The following SMIM5 variants were observed in gnomAD, a reference collection of about 807,000 sequenced individuals.
SMIM5 encodes the protein chromosome 17 open reading frame 109.
In SMIM5, 4 loss-of-function variants were observed where a neutral mutation model predicts 4.0. The observed-to-expected ratio is 1.01, with a 90% CI of 0.50 to 2.30. SMIM5 has a LOEUF of 2.30. Among genes scored for constraint, SMIM5 ranks in the 30% most tolerant of loss-of-function variants. The pLI, the probability that SMIM5 is intolerant of heterozygous loss-of-function variation, is 0.02. For missense variants in SMIM5, 107 were observed against 99.2 expected (o/e 1.08, Z -0.34); for synonymous variants, 46 against 43.6 (o/e 1.05, Z -0.22).
intron 1 of SMIM5, chr17:75,635,850 G>A (rs2059311433): frequency 4.1e-6 from 4 of 985,344 alleles, no homozygotes; most frequent in East Asian, 1.1e-4. Flanking sequence ...GCCCTTCCTC[G>A]TGAGGCGCCT....
chr17:75,634,071 C>T lies in SMIM5; in HGVS notation c.-168C>T, dbSNP rs925635638. ...CAAAAAAGCCAGGCAGAGACAGCAG[C>T]TGGCTGTCAGCAGAGGAGCTGGGCT... On this transcript the variant is annotated 5_prime_UTR_variant, in exon 1 of 3. Transcript: ENST00000375215. 11 of 985,524 alleles carry T rather than the reference C, an allele frequency of 1.1e-5. No individual in the cohort carries two copies. The Admixed American group carries it at 4.9e-4, about 44-fold the overall frequency. 61.0% of individuals were successfully genotyped at this position (985,524 alleles called of 1,614,324 possible). A position where few individuals can be genotyped will look rare whatever the true frequency, so the allele number is the denominator to read the frequency against.
Position 75,640,308 on chromosome 17 carries a change from C to T in SMIM5, c.107C>T (p.Ser36Leu). 6.5e-7 allele frequency: 1 copy of T among 1,550,374 alleles called. No individual in the cohort carries two copies. Among genetic ancestry groups the T allele is most frequent in the Non-Finnish European group, 8.7e-7 (1 of 1,146,394 alleles). Residue 36 changes from serine to leucine, a missense_variant, in exon 2 of 3, where the codon TCA becomes TTA. Physicochemically the swap from Ser to Leu is moderately radical, Grantham distance 145 (BLOSUM62 -2). Transcript: ENST00000375215. This position sits in a 1 kb window ranked among gnomAD's most constrained non-coding sequence, Gnocchi z 4.6. Reference protein sequence around the residue: ...QAEPVEIVAFSVIILFTATVL... With the variant: ...QAEPVEIVAFLVIILFTATVL... Reference sequence around the variant, plus strand: ...GAGCCCGTGGAGATCGTGGCCTTCTCAGTCATCATCCTTTTCACAGGTTAG... The same window carrying T: ...GAGCCCGTGGAGATCGTGGCCTTCTTAGTCATCATCCTTTTCACAGGTTAG...
At position 75,641,003 on chromosome 17, in the gene SMIM5, T is replaced by C. The variant is rs762347088; in HGVS notation, c.*106T>C. ...CTTACCCCTCAAGACCAGGCTCCCC[T>C]GGCCCCAGCTCTGGCCCAGCCCAGG... On this transcript the variant is annotated 3_prime_UTR_variant, in exon 3 of 3. Transcript: ENST00000375215. 151 of 1,482,220 alleles carry C rather than the reference T, an allele frequency of 1.0e-4. No individual in the cohort carries two copies. Among genetic ancestry groups the C allele is most frequent in the Non-Finnish European group, 1.2e-4 (131 of 1,112,554 alleles). 91.8% of individuals were successfully genotyped at this position (1,482,220 alleles called of 1,614,324 possible).
intron 1 of SMIM5, among the ~76,000 whole-genome samples, chr17:75,634,750 C>T (rs567536482): frequency 2.0e-4 from 30 of 152,334 alleles, no homozygotes; most frequent in Middle Eastern, 3.4e-3. Context: ...CTCCCTGGGC[C>T]CATCTAGAAC....
Position 75,633,564 on chromosome 17 carries a change from G to A in SMIM5, c.-675G>A, listed in dbSNP as rs111344412. 640 of 1,269,630 alleles carry A rather than the reference G, an allele frequency of 5.0e-4. 4 individuals carry two copies. In the African/African-American group the frequency reaches 8.6e-3, roughly 17 times the overall value. 78.6% of individuals were successfully genotyped at this position (1,269,630 alleles called of 1,614,324 possible). A position where few individuals can be genotyped will look rare whatever the true frequency, so the allele number is the denominator to read the frequency against. On this transcript the variant is annotated 5_prime_UTR_variant, in exon 1 of 3. Transcript: ENST00000375215. ...GCCTTCAGATGCTGAGCGGCACAAGGGCCTCCCCAGGGACTGGTTGCAAAG... is the reference window on the plus strand; with the variant it reads ...GCCTTCAGATGCTGAGCGGCACAAGAGCCTCCCCAGGGACTGGTTGCAAAG...
chr17:75,635,295 G>A (rs961856930), intron 1 of SMIM5, among the ~76,000 whole-genome samples: 5 of 152,262 alleles, frequency 3.3e-5, no homozygotes, highest in East Asian at 3.9e-4. Context: ...GGGGCACAGC[G>A]GTGAGCCTGG....
At chr17:75,637,745 G>T (rs1485124135) in intron 1 of SMIM5, 1 of 152,314 alleles carries the variant, frequency 6.6e-6, no homozygotes, top group Non-Finnish European at 1.5e-5. Flanking sequence ...CAGCCAGCTG[G>T]CTTCCAGGGG....
chr17:75,635,881 G>A, intron 1 of SMIM5: 1 of 985,348 alleles, frequency 1.0e-6, no homozygotes, highest in South Asian at 4.7e-5. Flanking sequence ...TATCAGCTCT[G>A]CGAGGAGGAA....
Position 75,640,703 on chromosome 17 carries a change from C to T in SMIM5, c.128-88C>T. On this transcript the variant is annotated intron_variant, in intron 2 of 2. Coordinates refer to ENST00000375215, the MANE Select transcript of SMIM5 (RefSeq NM_001162995.3). The surrounding 1 kb of genome is among the most constrained non-coding windows in gnomAD (Gnocchi z 4.6). Reference sequence around the variant, plus strand: ...TCCACCAAACCTGTGGGGGAAAGACCCTGGCAGGCAGTGGGTTTCTCTGGG... The same window carrying T: ...TCCACCAAACCTGTGGGGGAAAGACTCTGGCAGGCAGTGGGTTTCTCTGGG... 6.6e-7 allele frequency: 1 copy of T among 1,506,814 alleles called. No homozygotes were observed. The highest frequency in any genetic ancestry group is 8.9e-7 in the Non-Finnish European group (1 of 1,123,504). The allele number at this position is 1,506,814 out of a possible 1,614,324, so 93.3% of individuals were successfully genotyped here.
At position 75,640,450 on chromosome 17, in the gene SMIM5, T is replaced by C. The variant is rs1288936707; in HGVS notation, c.127+122T>C. On this transcript the variant is annotated intron_variant, in intron 2 of 2. Coordinates refer to ENST00000375215, the MANE Select transcript of SMIM5 (RefSeq NM_001162995.3). The surrounding 1 kb of genome is among the most constrained non-coding windows in gnomAD (Gnocchi z 4.6). ...CTGCCGGATCAAGGAGGAAAACCAG[T>C]TGTCCCTTGGGGGAAGCCAAGGGAC... 2.1e-6 allele frequency: 3 copies of C among 1,409,618 alleles called. No homozygotes were observed. The highest frequency in any genetic ancestry group is 2.5e-5 in the East Asian group (1 of 39,460). 87.3% of individuals were successfully genotyped at this position (1,409,618 alleles called of 1,614,324 possible). A position where few individuals can be genotyped will look rare whatever the true frequency, so the allele number is the denominator to read the frequency against.
rs149763957 is a variant in SMIM5, at chr17:75,639,965, C to T, written c.-36-201C>T. ...AGCAAGCCCTTGGTCTCACTGTCCT[C>T]ACCGGCTTCCTCCACCCTGAGCTGT... On this transcript the variant is annotated intron_variant, in intron 1 of 2. Transcript: ENST00000375215. 772 of 517,758 alleles carry T rather than the reference C, an allele frequency of 1.5e-3. 10 individuals carry two copies. The highest frequency in any genetic ancestry group is 0.014 in the African/African-American group (733 of 51,318). The allele number at this position is 517,758 out of a possible 1,614,324, so 32.1% of individuals were successfully genotyped here.
At chr17:75,635,391 G>A (rs1227944266) in intron 1 of SMIM5, among the ~76,000 whole-genome samples, 1 of 152,166 alleles carries the variant, frequency 6.6e-6, no homozygotes, top group African/African-American at 2.4e-5. Flanking sequence ...GAGTGGACAG[G>A]GTCTCTCCAA....
At chr17:75,635,871 T>C in intron 1 of SMIM5, 3 of 985,204 alleles carry the variant, frequency 3.0e-6, no homozygotes, top group Non-Finnish European at 3.6e-6. Context: ...GGGGTTGGAG[T>C]ATCAGCTCTG....
chr17:75,635,063 G>A (rs2059293270), intron 1 of SMIM5, among the ~76,000 whole-genome samples: 2 of 152,206 alleles, frequency 1.3e-5, no homozygotes, highest in Admixed American at 1.3e-4. Context: ...TCAAGCCAGC[G>A]TTAAAGCCAC....
chr17:75,633,928 T>A lies in SMIM5; in HGVS notation c.-311T>A. ...CTTGTCTTGTCCCTGAGCAGCGCTC[T>A]CAGGGCAGAGGTGAGGCACCGGGAC... On this transcript the variant is annotated 5_prime_UTR_variant, in exon 1 of 3. Coordinates refer to ENST00000375215, the MANE Select transcript of SMIM5 (RefSeq NM_001162995.3). 1 of 986,582 alleles carries A rather than the reference T, an allele frequency of 1.0e-6. No homozygotes were observed. Among genetic ancestry groups the A allele is most frequent in the Non-Finnish European group, 1.2e-6 (1 of 830,522 alleles). The allele number at this position is 986,582 out of a possible 1,614,324, so 61.1% of individuals were successfully genotyped here. A position where few individuals can be genotyped will look rare whatever the true frequency, so the allele number is the denominator to read the frequency against.
At position 75,640,310 on chromosome 17, in the gene SMIM5, G is replaced by C. The variant is rs1177368222; in HGVS notation, c.109G>C (p.Val37Leu). Residue 37 changes from valine (V) to leucine (L), a missense_variant, in exon 2 of 3, where the codon GTC becomes CTC. Transcript: ENST00000375215. The surrounding 1 kb of genome is among the most constrained non-coding windows in gnomAD (Gnocchi z 4.6). The part of the protein sequence containing the change: ...AEPVEIVAFS[V>L]IILFTATVLL... ...GCCCGTGGAGATCGTGGCCTTCTCA[G>C]TCATCATCCTTTTCACAGGTTAGTT... The C allele has an allele frequency of 5.2e-6, 8 of 1,550,182 alleles. No homozygotes were observed. Among genetic ancestry groups the C allele is most frequent in the Admixed American group, 2.0e-5 (1 of 50,612 alleles).
In SMIM5 at chr17:75,636,378, C is replaced by T. The variant is rs752901440; in HGVS notation, c.-37+2176C>T. 2.6e-5 allele frequency among the ~76,000 whole-genome samples: 4 copies of T among 152,110 alleles called. No individual in the cohort carries two copies. The highest frequency in any genetic ancestry group is 1.9e-4 in the East Asian group (1 of 5,192). On this transcript the variant is annotated intron_variant, in intron 1 of 2. Coordinates refer to ENST00000375215, the MANE Select transcript of SMIM5 (RefSeq NM_001162995.3). This position sits in a 1 kb window ranked among gnomAD's most constrained non-coding sequence, Gnocchi z 5.4. ...GTTGGGTGAACCTGAGATAGAAAGA[C>T]GGGAAAAATATGGGATCATCAGTAG...
In SMIM5 at chr17:75,640,454, C is replaced by G. The variant is rs1325164023; in HGVS notation, c.127+126C>G. On this transcript the variant is annotated intron_variant, in intron 2 of 2. Coordinates refer to ENST00000375215, the MANE Select transcript of SMIM5 (RefSeq NM_001162995.3). This position sits in a 1 kb window ranked among gnomAD's most constrained non-coding sequence, Gnocchi z 4.6. ...CGGATCAAGGAGGAAAACCAGTTGT[C>G]CCTTGGGGGAAGCCAAGGGACTTCC... The G allele has an allele frequency of 2.0e-5, 28 of 1,397,066 alleles. No homozygotes were observed. The highest frequency in any genetic ancestry group is 2.9e-5 in the African/African-American group (2 of 68,682). 86.5% of individuals were successfully genotyped at this position (1,397,066 alleles called of 1,614,324 possible). A position where few individuals can be genotyped will look rare whatever the true frequency, so the allele number is the denominator to read the frequency against.
Position 75,640,968 on chromosome 17 carries a change from C to T in SMIM5, c.*71C>T, listed in dbSNP as rs2148292991. ...GCCATGACACAGGCCATCAGCCTGGCCCTGCAGCCCTTACCCCTCAAGACC... is the reference window on the plus strand; with the variant it reads ...GCCATGACACAGGCCATCAGCCTGGTCCTGCAGCCCTTACCCCTCAAGACC... On this transcript the variant is annotated 3_prime_UTR_variant, in exon 3 of 3. Coordinates refer to ENST00000375215, the MANE Select transcript of SMIM5 (RefSeq NM_001162995.3). The surrounding 1 kb of genome is among the most constrained non-coding windows in gnomAD (Gnocchi z 4.6). 10 of 1,518,402 alleles carry T rather than the reference C, an allele frequency of 6.6e-6. No homozygotes were observed. Among genetic ancestry groups the T allele is most frequent in the Non-Finnish European group, 7.9e-6 (9 of 1,132,864 alleles). The allele number at this position is 1,518,402 out of a possible 1,614,324, so 94.1% of individuals were successfully genotyped here. A position where few individuals can be genotyped will look rare whatever the true frequency, so the allele number is the denominator to read the frequency against.
Sources: gnomAD v4.1 joint callset for allele counts (sites outside exome capture counted in the v4.1 genomes callset) on GRCh38, gnomAD v4.1.1 for gene constraint, Gnocchi (gnomAD v3.1) non-coding constraint, MANE v1.5 for transcripts, NCBI Gene and HGNC (gene_info 2026-07-23, HGNC 2026-07-21) for gene names.